Variants in MASP2 observed in about 807,000 individuals in gnomAD.
MASP2 encodes the protein MBL associated serine protease 2.
Under a neutral mutation model 57.1 loss-of-function variants are expected in MASP2, and 49 were observed. The observed-to-expected ratio is 0.86, with a 90% CI of 0.68 to 1.09. MASP2 has a LOEUF of 1.09. Among genes scored for constraint, MASP2 ranks in the 50% least tolerant of loss-of-function variants. The pLI is 0.00. For missense variants in MASP2, 900 were observed against 874.8 expected, an observed-to-expected ratio of 1.03 and a Z score of -0.36; for synonymous variants, 379 against 340.8, an observed-to-expected ratio of 1.11 and a Z score of -1.24.
chr1:11,030,927 T>C, intron 8 of MASP2, 45 bp from the exon 9 acceptor site: 1 of 1,592,266 alleles, frequency 6.3e-7, no homozygotes, highest in South Asian at 1.1e-5. Context: ...ATCATTTCAG[T>C]GCTAACTTTC....
intron 7 of MASP2, among the ~76,000 whole-genome samples, chr1:11,035,806 G>C (rs1467565365): frequency 1.3e-5 from 2 of 151,068 alleles, no homozygotes; most frequent in Non-Finnish European, 1.5e-5. Context: ...TGGGGTGAGA[G>C]GATTGCTTGA....
intron 10 of MASP2, among the ~76,000 whole-genome samples, chr1:11,028,043 G>A (rs1277168578): frequency 6.6e-6 from 1 of 152,038 alleles, no homozygotes; most frequent in Non-Finnish European, 1.5e-5. Flanking sequence ...CCAACATGGT[G>A]AGACCCTGTC....
At chr1:11,030,106 C>A in intron 10 of MASP2, 70 bp downstream of exon 10, 1 of 1,122,972 alleles carries the variant, frequency 8.9e-7, no homozygotes, top group South Asian at 1.3e-5. Flanking sequence ...AGCTAAAGCT[C>A]TCCTCACTGT....
intron 5 of MASP2, 74 bp downstream of exon 5, chr1:11,043,265 G>T: frequency 1.5e-6 from 2 of 1,339,308 alleles, no homozygotes; most frequent in South Asian, 1.4e-5. Context: ...TGGGGGCCAT[G>T]CTGCAGGAAG....
chr1:11,039,727 G>A (rs941185577), intron 6 of MASP2, among the ~76,000 whole-genome samples: 2 of 151,618 alleles, frequency 1.3e-5, no homozygotes, highest in Non-Finnish European at 2.9e-5. Flanking sequence ...TAGATGGATA[G>A]CTGGAAGGAT....
chr1:11,046,937 T>C lies in MASP2; in HGVS notation c.188A>G (p.His63Arg). ...PGYRLRLYFT[H>R]FDLELSHLCE... is the part of the protein sequence containing the mutation. Reference sequence around the variant, plus strand: ...GAGGTGGGAGAGCTCCAGGTCGAAGTGGGTGAAGTAGAGGCGCAGGCGGTA... The same window carrying C: ...GAGGTGGGAGAGCTCCAGGTCGAAGCGGGTGAAGTAGAGGCGCAGGCGGTA... Residue 63 changes from histidine (H) to arginine (R), a missense_variant, in exon 2 of 11, where the codon CAC (histidine) becomes CGC (arginine). Coordinates refer to ENST00000400897, the MANE Select transcript of MASP2 (RefSeq NM_006610.4). The C allele has an allele frequency of 6.4e-7, 1 of 1,571,930 alleles. No homozygotes were observed. The highest frequency in any genetic ancestry group is 8.6e-7 in the Non-Finnish European group (1 of 1,158,458).
chr1:11,035,475 C>T (rs1018304558), intron 7 of MASP2, among the ~76,000 whole-genome samples: 28 of 151,864 alleles, frequency 1.8e-4, no homozygotes, highest in Non-Finnish European at 3.7e-4. Context: ...TGCAGTGAGC[C>T]GATATTGCAA....
chr1:11,038,113 T>C (rs1342882131), intron 6 of MASP2, among the ~76,000 whole-genome samples: 1 of 152,160 alleles, frequency 6.6e-6, no homozygotes, highest in African/African-American at 2.4e-5. Flanking sequence ...TTCAGAGCCA[T>C]GGCTCAAAAC....
At chr1:11,034,702 A>G in intron 8 of MASP2, 126 bp downstream of exon 8, 1 of 567,062 alleles carries the variant, frequency 1.8e-6, no homozygotes, top group Non-Finnish European at 2.9e-6. Context: ...CTGTCTCAGA[A>G]AAAAAAAAAA....
intron 6 of MASP2, among the ~76,000 whole-genome samples, chr1:11,039,638 G>A (rs1178426830): frequency 1.4e-5 from 2 of 146,338 alleles, no homozygotes; most frequent in Non-Finnish European, 3.0e-5. Context: ...TGGATATATA[G>A]GTGGATGGGT....
intron 10 of MASP2, among the ~76,000 whole-genome samples, chr1:11,028,697 GTTTT>G (rs1208974169): frequency 1.4e-4 from 5 of 36,164 alleles, no homozygotes; most frequent in African/African-American, 2.6e-4. Flanking sequence ...ATCTTTCTGG[GTTTT>G]TTTTCTTTTT....
chr1:11,031,157 G>T (rs182692127), intron 8 of MASP2, among the ~76,000 whole-genome samples: 13 of 152,164 alleles, frequency 8.5e-5, no homozygotes, highest in South Asian at 2.1e-4. Context: ...TGGAGGAAGA[G>T]GTGTGCTGCC....
intron 4 of MASP2, chr1:11,044,796 G>C (rs1245791622): frequency 2.1e-6 from 3 of 1,436,348 alleles, no homozygotes; most frequent in African/African-American, 1.4e-5. Flanking sequence ...CGTGGCAGCA[G>C]GTGGGGTGGG....
chr1:11,044,793 GCA>G, intron 4 of MASP2: 1 of 1,395,832 alleles, frequency 7.2e-7, no homozygotes, highest in Non-Finnish European at 9.5e-7. Context: ...ACACGTGGCA[GCA>G]GGTGGGGTGG....
Position 11,030,242 on chromosome 1 carries a change from C to T in MASP2, c.1231G>A (p.Val411Met), listed in dbSNP as rs367583731. The change falls in exon 10 of 11, where the codon GTG becomes ATG. Residue 411 changes from valine (V) to methionine (M), a missense_variant. Coordinates refer to ENST00000400897, the MANE Select transcript of MASP2 (RefSeq NM_006610.4). Reference protein sequence around the residue: ...YTMKVNDGKYVCEADGFWTSS... With the variant: ...YTMKVNDGKYMCEADGFWTSS... ...GTCCAGAATCCATCAGCCTCACACA[C>T]ATATTTACCTGCAAATCATTGGAAA... 6.2e-7 allele frequency: 1 copy of T among 1,612,608 alleles called. No homozygotes were observed. Among genetic ancestry groups the T allele is most frequent in the Middle Eastern group, 1.6e-4 (1 of 6,078 alleles).
At chr1:11,044,368 G>T (rs1638559016) in intron 4 of MASP2, among the ~76,000 whole-genome samples, 1 of 152,178 alleles carries the variant, frequency 6.6e-6, no homozygotes, top group South Asian at 2.1e-4. Context: ...AGCTGCAGTG[G>T]GGGGCATTTG....
chr1:11,033,330 A>G (rs1304864157), intron 8 of MASP2, among the ~76,000 whole-genome samples: 1 of 142,642 alleles, frequency 7.0e-6, no homozygotes, highest in Admixed American at 7.0e-5. Flanking sequence ...CTGCGTCTCC[A>G]AAAAAAAAAA....
chr1:11,033,327 T>C (rs1440794995), intron 8 of MASP2, among the ~76,000 whole-genome samples: 10 of 138,048 alleles, frequency 7.2e-5, no homozygotes. Context: ...AAACTGCGTC[T>C]CCAAAAAAAA....
intron 8 of MASP2, among the ~76,000 whole-genome samples, chr1:11,033,380 C>T (rs1305879106): frequency 1.3e-5 from 2 of 151,738 alleles, no homozygotes; most frequent in East Asian, 3.9e-4. Flanking sequence ...CGCTGTGGCT[C>T]ATGCCTGTAC....
Sources: gnomAD v4.1 joint callset for allele counts (sites outside exome capture counted in the v4.1 genomes callset) on GRCh38, gnomAD v4.1.1 for gene constraint, MANE v1.5 for transcripts, NCBI Gene and HGNC (gene_info 2026-07-23, HGNC 2026-07-21) for gene names.